Variants in GFAP observed in about 807,000 individuals in gnomAD.
The protein encoded by GFAP is glial fibrillary acidic protein, also known as intermediate filament protein.
Under a neutral mutation model 49.3 loss-of-function variants are expected in GFAP, and 38 were observed. The ratio of observed to expected loss-of-function variants is 0.77; its 90% CI spans 0.60 to 1.01. The LOEUF is 1.01. Among genes scored for constraint, GFAP ranks in the 50% least tolerant of loss-of-function variants. The probability of loss-of-function intolerance (pLI) is 0.00; values close to 1 mark genes in which losing one functional copy is unlikely to be tolerated. For missense variants in GFAP, 463 were observed against 579.1 expected, an observed-to-expected ratio of 0.80 and a Z score of 2.06; for synonymous variants, 222 against 236.4, an observed-to-expected ratio of 0.94 and a Z score of 0.56.
chr17:44,909,289 G>A (rs2051706115), intron 7 of GFAP: 1 of 152,216 alleles, frequency 6.6e-6, no homozygotes, highest in African/African-American at 2.4e-5. Context: ...ACTTCTCTAG[G>A]TGGGAGAGAG....
At chr17:44,908,204 T>G (rs773004801) in intron 7 of GFAP, 55 bp from the exon 8 acceptor site, 4 of 1,242,942 alleles carry the variant, frequency 3.2e-6, no homozygotes, top group African/African-American at 1.5e-5. Flanking sequence ...TGAGCCATCC[T>G]CTCCCATGCC....
At chr17:44,913,507 C>T in intron 3 of GFAP, 77 bp from the exon 4 acceptor site, 4 of 1,473,834 alleles carry the variant, frequency 2.7e-6, no homozygotes, top group South Asian at 2.3e-5. Context: ...ATTGTGTCCT[C>T]TTCTGCCTGC....
chr17:44,912,041 C>A lies in GFAP; in HGVS notation c.781-244G>T, dbSNP rs992004795. On this transcript the variant is annotated intron_variant, in intron 4 of 8. Transcript: ENST00000588735. Reference sequence around the variant, plus strand: ...GCCACAGAATCCAGAACCTTCCACACTGACAGCTGCATCTGCGGGACTGAA... The same window carrying A: ...GCCACAGAATCCAGAACCTTCCACAATGACAGCTGCATCTGCGGGACTGAA... 2.0e-5 allele frequency among the ~76,000 whole-genome samples: 3 copies of A among 152,240 alleles called. No individual in the cohort carries two copies. The East Asian group carries it at 5.8e-4, about 29-fold the overall frequency.
Position 44,910,816 on chromosome 17 carries a change from C to T in GFAP, c.1128-158G>A. ...TTTTCCCCAGCAGCCAACGTGCTAT[C>T]TGGAGTTCCAAACGTCTGCAAGGGG... On this transcript the variant is annotated intron_variant, in intron 6 of 8. Coordinates refer to ENST00000588735, the MANE Select transcript of GFAP (RefSeq NM_002055.5). 3 of 1,063,308 alleles carry T rather than the reference C, an allele frequency of 2.8e-6. No homozygotes were observed. The South Asian group carries it at 4.8e-5, about 17-fold the overall frequency. 65.9% of individuals were successfully genotyped at this position (1,063,308 alleles called of 1,614,324 possible).
chr17:44,907,479 G>A, intron 8 of GFAP, 91 bp from the exon 9 acceptor site: 1 of 883,374 alleles, frequency 1.1e-6, no homozygotes, highest in Non-Finnish European at 1.9e-6. Context: ...ACCTTGGGAA[G>A]TCCCCGACTT....
intron 8 of GFAP, 72 bp downstream of exon 8, chr17:44,907,992 T>C (rs775846039): frequency 5.7e-5 from 60 of 1,058,906 alleles, no homozygotes; most frequent in Non-Finnish European, 8.8e-5. Flanking sequence ...AGCCCCAGGC[T>C]TTCCTCCATG....
Position 44,907,402 on chromosome 17 carries a change from G to A in GFAP, c.1258-14C>T, listed in dbSNP as rs1205993415. ...CTCCTTAATGACCTGCAGGGGACAG[G>A]GAACGTGCACAGTGCAACAGTTAGG... On this transcript the variant is annotated splice_polypyrimidine_tract_variant and intron_variant, in intron 8 of 8. Transcript: ENST00000588735. 8 of 1,601,878 alleles carry A rather than the reference G, an allele frequency of 5.0e-6. No individual in the cohort carries two copies. In the East Asian group the frequency reaches 1.8e-4, roughly 36 times the overall value.
At chr17:44,911,477 G>T in intron 5 of GFAP, 21 bp from the exon 6 acceptor site, 2 of 1,584,844 alleles carry the variant, frequency 1.3e-6, no homozygotes, top group Non-Finnish European at 1.7e-6. Flanking sequence ...GAGCCGGCCG[G>T]TCCCGCGGAG....
intron 3 of GFAP, 136 bp downstream of exon 3, chr17:44,913,592 C>T (rs62065771): frequency 2.9e-6 from 3 of 1,036,618 alleles, no homozygotes; most frequent in Non-Finnish European, 3.1e-6. Flanking sequence ...TCTTTCATTT[C>T]CTGTCTCTAC....
intron 2 of GFAP, 45 bp downstream of exon 2, chr17:44,913,983 C>G: frequency 7.1e-7 from 1 of 1,416,694 alleles, no homozygotes; most frequent in East Asian, 2.4e-5. Context: ...GGGTGGCCAT[C>G]AATCCTTTCC....
Position 44,915,190 on chromosome 17 carries a change from A to C in GFAP, c.297T>G (p.Ala99=). Residue 99 remains alanine, a synonymous_variant, in exon 1 of 9, where the codon GCT becomes GCG. Coordinates refer to ENST00000588735, the MANE Select transcript of GFAP (RefSeq NM_002055.5). This position sits in a 1 kb window ranked among gnomAD's most constrained non-coding sequence, Gnocchi z 4.1. ...FLEQQNKALA[A]ELNQLRAKEP... ...CCTTGGCCCGCAGCTGGTTCAGCTC[A>C]GCAGCCAGCGCCTTGTTTTGCTGTT... 6.2e-7 allele frequency: 1 copy of C among 1,614,210 alleles called. No homozygotes were observed. The highest frequency in any genetic ancestry group is 1.1e-5 in the South Asian group (1 of 91,088).
In GFAP at chr17:44,913,315, A is replaced by G. The variant is rs151327900; in HGVS notation, c.734T>C (p.Met245Thr). 15 of 1,614,076 alleles carry G rather than the reference A, an allele frequency of 9.3e-6. No homozygotes were observed. In the African/African-American group the frequency reaches 1.9e-4, roughly 20 times the overall value. ...GGCTTCATGCATGTTGCTGGACGCC[A>G]TTGCCTCATACTGCGTGCGGATCTC... ...LKEIRTQYEA[M>T]ASSNMHEAEE... Residue 245 changes from methionine (M) to threonine (T), a missense_variant, in exon 4 of 9, where the codon ATG becomes ACG. Met to Thr is a moderately conservative substitution (Grantham distance 81). This residue lies in a region of GFAP where 362 missense variants were observed against 445.5 expected (regional missense o/e 0.81). Transcript: ENST00000588735.
rs374798045 is a variant in GFAP, at chr17:44,913,835, G to A, written c.523-12C>T. On this transcript the variant is annotated splice_polypyrimidine_tract_variant and intron_variant, in intron 2 of 8. Coordinates refer to ENST00000588735, the MANE Select transcript of GFAP (RefSeq NM_002055.5). ...GCTTCATCTGCTTCCTGGAGTGGCA[G>A]GAGGGGTGAGGAGTAGAGGGCCACT... 8 of 1,604,996 alleles carry A rather than the reference G, an allele frequency of 5.0e-6. No homozygotes were observed. Among genetic ancestry groups the A allele is most frequent in the Non-Finnish European group, 6.0e-6 (7 of 1,171,706 alleles).
At chr17:44,909,817 G>T in intron 7 of GFAP, 6 of 1,192,378 alleles carry the variant, frequency 5.0e-6, no homozygotes, top group Non-Finnish European at 6.3e-6. Flanking sequence ...TGGCGTCCAG[G>T]CACAGCGAGA....
chr17:44,907,618 G>C (rs969319595), intron 8 of GFAP: 7 of 616,426 alleles, frequency 1.1e-5, no homozygotes, highest in Non-Finnish European at 2.1e-5. Flanking sequence ...AGTAAGATGA[G>C]CTCCCACTGT....
intron 6 of GFAP, 108 bp from the exon 7 acceptor site, chr17:44,910,766 G>T: frequency 6.7e-7 from 1 of 1,500,112 alleles, no homozygotes; most frequent in Non-Finnish European, 9.0e-7. Flanking sequence ...TCCTTGCCAG[G>T]AAAGTCTAAC....
At chr17:44,907,653 C>G (rs1345208189) in intron 8 of GFAP, 9 of 586,044 alleles carry the variant, frequency 1.5e-5, no homozygotes, top group Non-Finnish European at 2.8e-5. Context: ...GGCGGATACG[C>G]CAAATCCCCT....
intron 8 of GFAP, chr17:44,907,703 A>G (rs1273638740): frequency 1.8e-6 from 1 of 556,568 alleles, no homozygotes; most frequent in African/African-American, 1.9e-5. Flanking sequence ...CCAAGCTGGA[A>G]ATGGAAAGCC....
In GFAP at chr17:44,905,058, G is replaced by C. The variant is rs1404628567; in HGVS notation, c.*2289C>G. 1 of 1,542,746 alleles carries C rather than the reference G, an allele frequency of 6.5e-7. No individual in the cohort carries two copies. The highest frequency in any genetic ancestry group is 8.8e-7 in the Non-Finnish European group (1 of 1,141,290). On this transcript the variant is annotated 3_prime_UTR_variant, in exon 9 of 9. Coordinates refer to ENST00000588735, the MANE Select transcript of GFAP (RefSeq NM_002055.5). ...TGCTACTTATTTCACTGTTGTCCCA[G>C]CTTCTCCCCCTAGGAGCTCTCTTCA...
Sources: allele counts gnomAD v4.1 joint callset (sites outside exome capture counted in the v4.1 genomes callset), GRCh38; gene constraint gnomAD v4.1.1; regional missense constraint gnomAD v4.1.1; non-coding constraint Gnocchi (gnomAD v3.1); transcripts MANE v1.5; gene names NCBI Gene and HGNC (gene_info 2026-07-23, HGNC 2026-07-21).